LEKR1: variants seen among roughly 807,000 people sequenced by gnomAD.
LEKR1 encodes leucine, glutamate and lysine rich 1.
LEKR1 carries 59 observed loss-of-function variants against 72.4 expected under a neutral mutation model. That is an observed-to-expected ratio of 0.82 (90% CI 0.66 to 1.01). The LOEUF (loss-of-function observed/expected upper bound fraction) is 1.01, where lower values mean the gene tolerates loss of function less well. Ranked by LOEUF, LEKR1 falls within the 50% of genes least tolerant of loss-of-function variation. LEKR1 has a pLI of 0.00. For missense variants in LEKR1, 728 were observed against 759.2 expected, an observed-to-expected ratio of 0.96 and a Z score of 0.48; for synonymous variants, 257 against 263.2, an observed-to-expected ratio of 0.98 and a Z score of 0.23.
intron 10 of LEKR1, among the ~76,000 whole-genome samples, chr3:157,019,347 G>T (rs1027896523): frequency 6.6e-6 from 1 of 152,102 alleles, no homozygotes; most frequent in African/African-American, 2.4e-5. Context: ...ATTAAATACA[G>T]ATTTTATAAA....
intron 6 of LEKR1, among the ~76,000 whole-genome samples, chr3:156,961,893 A>G (rs1436400308): frequency 3.9e-5 from 6 of 152,250 alleles, no homozygotes; most frequent in African/African-American, 1.2e-4. Context: ...ATTTTAAAGT[A>G]ACTTTCCTGA....
chr3:157,040,477 A>G (rs1265646509), intron 12 of LEKR1, among the ~76,000 whole-genome samples: 2 of 152,232 alleles, frequency 1.3e-5, no homozygotes, highest in Non-Finnish European at 1.5e-5. Flanking sequence ...TCAGATTCTC[A>G]TTCTTCTCTT....
chr3:156,847,424 G>A (rs1461729942), intron 2 of LEKR1, among the ~76,000 whole-genome samples: 1 of 152,114 alleles, frequency 6.6e-6, no homozygotes, highest in Admixed American at 6.5e-5. Context: ...CTTTTGTCAA[G>A]AATGACAGCA....
chr3:157,039,044 A>G (rs58069857), intron 12 of LEKR1, among the ~76,000 whole-genome samples: 12,769 of 152,196 alleles, frequency 0.084, 1,472 homozygotes, highest in African/African-American at 0.26. Flanking sequence ...TTTATTGCCC[A>G]ACAATCTCCT....
chr3:156,922,673 G>A (rs184260960), intron 4 of LEKR1, among the ~76,000 whole-genome samples: 32 of 152,234 alleles, frequency 2.1e-4, no homozygotes, highest in African/African-American at 7.7e-4. Flanking sequence ...CAGCATATTA[G>A]TTGGCACATT....
intron 6 of LEKR1, among the ~76,000 whole-genome samples, chr3:156,973,532 C>T (rs1729428694): frequency 1.3e-5 from 2 of 152,140 alleles, no homozygotes; most frequent in East Asian, 3.9e-4. Flanking sequence ...GAGAAGATAG[C>T]CAGAATATTG....
intron 3 of LEKR1, among the ~76,000 whole-genome samples, chr3:156,917,055 C>T (rs868534932): frequency 7.2e-5 from 11 of 151,960 alleles, no homozygotes; most frequent in Admixed American, 7.2e-4. Flanking sequence ...GAATTGATAT[C>T]CTCAAAGAAA....
chr3:156,853,808 A>G (rs1715687100), intron 3 of LEKR1, among the ~76,000 whole-genome samples: 1 of 152,120 alleles, frequency 6.6e-6, no homozygotes, highest in African/African-American at 2.4e-5. Flanking sequence ...TTAATTTCAC[A>G]TCTGAATAAT....
chr3:156,996,180 G>C (rs1438329663), intron 9 of LEKR1, among the ~76,000 whole-genome samples: 1 of 152,016 alleles, frequency 6.6e-6, no homozygotes, highest in Non-Finnish European at 1.5e-5. Context: ...ATAGAGAACT[G>C]ACTAGAATAA....
In LEKR1 at chr3:156,997,708, C is replaced by T. The variant is rs1289201428; in HGVS notation, c.1109+4431C>T. 1.1e-4 allele frequency among the ~76,000 whole-genome samples: 17 copies of T among 152,166 alleles called. 1 individual carries two copies. Among genetic ancestry groups the T allele is most frequent in the Admixed American group, 1.1e-3 (17 of 15,282 alleles). Reference sequence around the variant, plus strand: ...GAGAGCAGAGCCCTTACTGAGGTCACAAATTGTGCAGTTTAGAAGCTGTGT... The same window carrying T: ...GAGAGCAGAGCCCTTACTGAGGTCATAAATTGTGCAGTTTAGAAGCTGTGT... On this transcript the variant is annotated intron_variant, in intron 9 of 12. Coordinates refer to ENST00000356539, the MANE Select transcript of LEKR1 (RefSeq NM_001004316.3).
At chr3:157,002,947 T>C (rs1015944715) in intron 9 of LEKR1, among the ~76,000 whole-genome samples, 5 of 152,182 alleles carry the variant, frequency 3.3e-5, no homozygotes, top group East Asian at 1.9e-4. Context: ...GCATTTGGAA[T>C]GGATTCTACT....
At chr3:157,006,207 T>G (rs890926788) in intron 9 of LEKR1, among the ~76,000 whole-genome samples, 6 of 149,366 alleles carry the variant, frequency 4.0e-5, no homozygotes, top group Non-Finnish European at 8.9e-5. Flanking sequence ...GGGTTTCACC[T>G]TGTTAGCCAG....
At chr3:156,975,103 C>A (rs1032112707) in intron 6 of LEKR1, among the ~76,000 whole-genome samples, 1 of 152,148 alleles carries the variant, frequency 6.6e-6, no homozygotes, top group Non-Finnish European at 1.5e-5. Context: ...ATGATAGTGA[C>A]TATTTTACAG....
chr3:156,942,759 T>C, intron 6 of LEKR1, 45 bp downstream of exon 6: 1 of 834,472 alleles, frequency 1.2e-6, no homozygotes, highest in South Asian at 1.6e-5. Context: ...GTTATATAAG[T>C]ACATGAATAA....
chr3:156,858,577 G>C (rs1716366715), intron 3 of LEKR1, among the ~76,000 whole-genome samples: 1 of 151,970 alleles, frequency 6.6e-6, no homozygotes, highest in East Asian at 1.9e-4. Context: ...GGGAGGCTGA[G>C]GTGGGAGAAT....
chr3:156,933,812 A>C (rs568991229), intron 5 of LEKR1, among the ~76,000 whole-genome samples: 1 of 152,344 alleles, frequency 6.6e-6, no homozygotes, highest in African/African-American at 2.4e-5. Context: ...GCAGTGTATC[A>C]CAATCTTAGA....
At chr3:156,899,197 T>C (rs1721515044) in intron 3 of LEKR1, among the ~76,000 whole-genome samples, 1 of 151,090 alleles carries the variant, frequency 6.6e-6, no homozygotes, top group South Asian at 2.1e-4. Flanking sequence ...ATTCAAACTT[T>C]CACCTGTGGT....
At chr3:156,887,968 C>T (rs772197859) in intron 3 of LEKR1, among the ~76,000 whole-genome samples, 73 of 152,076 alleles carry the variant, frequency 4.8e-4, no homozygotes, top group Non-Finnish European at 4.6e-4. Context: ...AGTTGACCAT[C>T]TATATTTTAT....
At chr3:156,878,738 A>G (rs1331558292) in intron 3 of LEKR1, among the ~76,000 whole-genome samples, 1 of 152,052 alleles carries the variant, frequency 6.6e-6, no homozygotes, top group Non-Finnish European at 1.5e-5. Flanking sequence ...ACCCAATCTC[A>G]TCTTGAATTG....
Sources: gnomAD v4.1 joint callset for allele counts (sites outside exome capture counted in the v4.1 genomes callset) on GRCh38, gnomAD v4.1.1 for gene constraint, MANE v1.5 for transcripts, NCBI Gene and HGNC (gene_info 2026-07-23, HGNC 2026-07-21) for gene names.